Variants in RANBP2 observed in about 807,000 individuals in gnomAD.
RANBP2 encodes the protein E3 SUMO-protein ligase RanBP2.
A neutral mutation model predicts 303.6 loss-of-function variants in RANBP2; 57 were observed. That is an observed-to-expected ratio of 0.19 (90% CI 0.15 to 0.23). The LOEUF (loss-of-function observed/expected upper bound fraction) is 0.23, where lower values mean the gene tolerates loss of function less well. Ranked by LOEUF, RANBP2 falls within the 10% of genes least tolerant of loss-of-function variation. RANBP2 has a pLI of 1.00. For missense variants in RANBP2, 3,138 were observed against 3,780.8 expected, an observed-to-expected ratio of 0.83 and a Z score of 4.46; for synonymous variants, 1,167 against 1,301.5, an observed-to-expected ratio of 0.90 and a Z score of 2.23.
chr2:109,432,567 G>A, the RANBP2 span: 2 of 1,613,682 alleles, frequency 1.2e-6, no homozygotes, highest in South Asian at 2.2e-5. Flanking sequence ...AGGGAGAGAT[G>A]TACCGGGTCC....
the RANBP2 span, among the ~76,000 whole-genome samples, chr2:109,741,748 CT>C: frequency 1.4e-5 from 2 of 145,612 alleles, no homozygotes; most frequent in Non-Finnish European, 3.0e-5. Flanking sequence ...AACTCTAAAG[CT>C]ATCATCATAC....
At chr2:109,144,918 G>A in the RANBP2 span, among the ~76,000 whole-genome samples, 1 of 152,234 alleles carries the variant, frequency 6.6e-6, no homozygotes, top group Non-Finnish European at 1.5e-5. Context: ...GGGCGGTGTG[G>A]ACACTGCGCA....
downstream of RANBP2, chr2:108,786,938 G>C (rs776748678): frequency 6.8e-7 from 1 of 1,478,210 alleles, no homozygotes; most frequent in South Asian, 1.3e-5. Context: ...CCTGAGGTCC[G>C]CGGGTGGGCT....
chr2:109,212,402 C>T, the RANBP2 span, among the ~76,000 whole-genome samples: 7 of 152,192 alleles, frequency 4.6e-5, no homozygotes, highest in Admixed American at 1.3e-4. Context: ...CCAACTTGGA[C>T]AGTATTTCAT....
the RANBP2 span, among the ~76,000 whole-genome samples, chr2:109,597,499 T>C: frequency 3.9e-5 from 6 of 152,212 alleles, no homozygotes; most frequent in African/African-American, 9.6e-5. Flanking sequence ...GAAACATGAA[T>C]GCACAATAGG....
chr2:109,022,995 G>C, the RANBP2 span, among the ~76,000 whole-genome samples: 1 of 152,106 alleles, frequency 6.6e-6, no homozygotes, highest in African/African-American at 2.4e-5. Context: ...AGGTTGCAGT[G>C]AGCCGAGATC....
the RANBP2 span, chr2:109,565,668 C>A: frequency 9.3e-7 from 1 of 1,079,930 alleles, no homozygotes; most frequent in South Asian, 1.3e-5. Flanking sequence ...CAACCAATCA[C>A]ATCCAAACTA....
At chr2:109,134,729 A>G in the RANBP2 span, among the ~76,000 whole-genome samples, 3 of 152,194 alleles carry the variant, frequency 2.0e-5, no homozygotes, top group South Asian at 6.2e-4. Context: ...ACTCTACCAC[A>G]GGCTCAGCTC....
chr2:109,108,935 CCT>C, the RANBP2 span, among the ~76,000 whole-genome samples: 30,175 of 152,176 alleles, frequency 0.2, 3,722 homozygotes, highest in Middle Eastern at 0.36. Context: ...AAGTTCAGTC[CCT>C]CTGTGTCGGG....
the RANBP2 span, among the ~76,000 whole-genome samples, chr2:109,252,058 G>A: frequency 6.7e-6 from 1 of 149,848 alleles, no homozygotes; most frequent in African/African-American, 2.5e-5. Context: ...ATCAGCCTGG[G>A]CAACATATAG....
the RANBP2 span, among the ~76,000 whole-genome samples, chr2:109,365,556 C>CT: frequency 1.1e-3 from 161 of 152,260 alleles, no homozygotes; most frequent in African/African-American, 3.7e-3. Context: ...CTTTCAGCTT[C>CT]TTACGTTCTA....
the RANBP2 span, chr2:109,129,089 C>A: frequency 2.7e-6 from 1 of 364,868 alleles, no homozygotes; most frequent in South Asian, 1.9e-5. Context: ...GGCGGTGCGG[C>A]TCGCCAGCTG....
the RANBP2 span, among the ~76,000 whole-genome samples, chr2:109,156,532 A>G: frequency 6.6e-6 from 1 of 150,712 alleles, no homozygotes; most frequent in African/African-American, 2.4e-5. Flanking sequence ...TGCAGCCTTT[A>G]CCTCCTGAGT....
At chr2:109,370,185 G>T in the RANBP2 span, among the ~76,000 whole-genome samples, 2 of 150,774 alleles carry the variant, frequency 1.3e-5, no homozygotes, top group Non-Finnish European at 3.0e-5. Flanking sequence ...GGCCATTGCT[G>T]TGGTGGTCTC....
the RANBP2 span, among the ~76,000 whole-genome samples, chr2:109,489,649 C>T: frequency 6.6e-6 from 1 of 151,324 alleles, no homozygotes; most frequent in African/African-American, 2.4e-5. Context: ...GCATCACTGG[C>T]CTGCCCTGGG....
chr2:109,249,807 C>T, the RANBP2 span, among the ~76,000 whole-genome samples: 1 of 151,612 alleles, frequency 6.6e-6, no homozygotes, highest in Non-Finnish European at 1.5e-5. Context: ...CAGGCGCCCG[C>T]CACCGCGCCC....
chr2:108,986,198 C>T, the RANBP2 span, among the ~76,000 whole-genome samples: 2 of 152,186 alleles, frequency 1.3e-5, no homozygotes, highest in East Asian at 1.9e-4. Flanking sequence ...TTAGACTGAA[C>T]CACCTACAAT....
At chr2:108,873,486 T>C in the RANBP2 span, 1 of 1,606,872 alleles carries the variant, frequency 6.2e-7, no homozygotes, top group Admixed American at 1.7e-5. Context: ...CTGTAGCAAC[T>C]CTTTATTTTT....
the RANBP2 span, among the ~76,000 whole-genome samples, chr2:109,523,763 T>C: frequency 6.6e-6 from 1 of 152,074 alleles, no homozygotes; most frequent in Non-Finnish European, 1.5e-5. Flanking sequence ...GGGTACAGTC[T>C]CAGCAAAGCT....
Sources: allele counts gnomAD v4.1 joint callset (sites outside exome capture counted in the v4.1 genomes callset), GRCh38; gene constraint gnomAD v4.1.1; transcripts MANE v1.5; gene names NCBI Gene and HGNC (gene_info 2026-07-23, HGNC 2026-07-21).